Variants in RBFOX1 observed in about 807,000 individuals in gnomAD.
RBFOX1 encodes the protein RNA binding fox-1 homolog 1.
In RBFOX1, 8 loss-of-function variants were observed where a neutral mutation model predicts 57.7. The ratio of observed to expected loss-of-function variants is 0.14; its 90% CI spans 0.08 to 0.25. The LOEUF (loss-of-function observed/expected upper bound fraction) is 0.25, where lower values mean the gene tolerates loss of function less well. RBFOX1 is among the 10% of genes least tolerant of loss of function. The pLI is 1.00. For synonymous variants in RBFOX1, 326 were observed against 222.4 expected (o/e 1.47, Z -4.15); for missense variants, 611 against 548.5 (o/e 1.11, Z -1.14).
At chr16:6,040,255 C>T (rs2095421668) in intron 1 of RBFOX1, among the ~76,000 whole-genome samples, 2 of 152,182 alleles carry the variant, frequency 1.3e-5, no homozygotes, top group African/African-American at 4.8e-5. Context: ...GGTTCAGTAA[C>T]ATTGAATACA....
chr16:7,228,773 C>T (rs1402814713), intron 4 of RBFOX1, among the ~76,000 whole-genome samples: 2 of 152,170 alleles, frequency 1.3e-5, no homozygotes, highest in Non-Finnish European at 2.9e-5. Flanking sequence ...GACCAAGTTT[C>T]CCATTATAAT....
intron 1 of RBFOX1, among the ~76,000 whole-genome samples, chr16:5,456,912 A>G (rs2068647448): frequency 6.6e-6 from 1 of 152,182 alleles, no homozygotes; most frequent in Admixed American, 6.5e-5. Context: ...TGTCTCTAGC[A>G]CATTCCACCT....
chr16:6,725,223 T>C (rs539754636), intron 3 of RBFOX1, among the ~76,000 whole-genome samples: 111 of 152,004 alleles, frequency 7.3e-4, no homozygotes, highest in African/African-American at 2.5e-3. Context: ...GCTAATTTTT[T>C]TGTATTTTTA....
chr16:5,701,362 G>A (rs895539146), intron 3 of RBFOX1, among the ~76,000 whole-genome samples: 2 of 152,220 alleles, frequency 1.3e-5, no homozygotes, highest in African/African-American at 4.8e-5. Context: ...AGAGTTAAGG[G>A]ACTTCTTGGG....
At chr16:5,601,344 G>T (rs2047357993), downstream of RBFOX1, 1 of 152,348 alleles carries the variant, frequency 6.6e-6, no homozygotes, top group African/African-American at 2.4e-5. Context: ...GTGTCCTCAG[G>T]ACATGGTGGA....
At chr16:5,820,461 A>G (rs1876531099) in intron 3 of RBFOX1, among the ~76,000 whole-genome samples, 1 of 152,174 alleles carries the variant, frequency 6.6e-6, no homozygotes. Flanking sequence ...ATTGATCAGC[A>G]TTAGCAGCAC....
intron 4 of RBFOX1, among the ~76,000 whole-genome samples, chr16:7,216,681 CACAA>C (rs1567746774): frequency 2.6e-5 from 4 of 151,716 alleles, no homozygotes; most frequent in East Asian, 2.0e-4. Flanking sequence ...TTAAAAAACC[CACAA>C]ACAAACCGAG....
intron 2 of RBFOX1, among the ~76,000 whole-genome samples, chr16:6,609,455 C>T (rs2098005497): frequency 6.6e-6 from 1 of 152,090 alleles, no homozygotes; most frequent in Non-Finnish European, 1.5e-5. Context: ...TCAATCCTCC[C>T]ACCTCAGCCT....
intron 4 of RBFOX1, among the ~76,000 whole-genome samples, chr16:5,884,810 G>A (rs955991473): frequency 2.6e-5 from 4 of 152,108 alleles, no homozygotes; most frequent in East Asian, 3.9e-4. Flanking sequence ...TCCAGAAGGT[G>A]CTCTCAAGAG....
At chr16:6,884,696 C>T (rs560249443) in intron 3 of RBFOX1, among the ~76,000 whole-genome samples, 11 of 152,092 alleles carry the variant, frequency 7.2e-5, no homozygotes, top group Non-Finnish European at 1.2e-4. Context: ...CCAGGGGTTC[C>T]AGACCAGCTT....
chr16:7,262,313 A>T (rs1372915410), intron 4 of RBFOX1, among the ~76,000 whole-genome samples: 31 of 146,326 alleles, frequency 2.1e-4, no homozygotes, highest in Non-Finnish European at 2.6e-4. Context: ...CCATTTCTCT[A>T]TTTTTTTTTT....
chr16:6,094,488 C>G (rs1202672614), intron 1 of RBFOX1, among the ~76,000 whole-genome samples: 1 of 152,100 alleles, frequency 6.6e-6, no homozygotes, highest in Non-Finnish European at 1.5e-5. Flanking sequence ...CTGACATGCT[C>G]ACTAGACATT....
At chr16:6,187,119 C>T (rs1057355879) in intron 1 of RBFOX1, among the ~76,000 whole-genome samples, 4 of 152,072 alleles carry the variant, frequency 2.6e-5, no homozygotes, top group African/African-American at 7.2e-5. Context: ...ACACTTTTAT[C>T]GTAGATGTAT....
intron 2 of RBFOX1, among the ~76,000 whole-genome samples, chr16:6,514,276 C>A (rs1160106462): frequency 6.6e-6 from 1 of 152,114 alleles, no homozygotes; most frequent in Non-Finnish European, 1.5e-5. Flanking sequence ...CAATCCTTTC[C>A]ACTTCATCTT....
chr16:6,673,026 G>C (rs1359907722), intron 3 of RBFOX1, among the ~76,000 whole-genome samples: 2 of 152,278 alleles, frequency 1.3e-5, no homozygotes, highest in African/African-American at 4.8e-5. Context: ...AACCACAACA[G>C]GGGAAAGACA....
chr16:5,571,102 C>G (rs1320400535), intron 2 of RBFOX1, among the ~76,000 whole-genome samples: 2 of 151,980 alleles, frequency 1.3e-5, no homozygotes, highest in Admixed American at 6.6e-5. Context: ...CCCCTGATCA[C>G]TCCCCCAGCC....
chr16:5,921,837 G>T (rs2058828957), intron 4 of RBFOX1, among the ~76,000 whole-genome samples: 1 of 151,922 alleles, frequency 6.6e-6, no homozygotes, highest in Non-Finnish European at 1.5e-5. Context: ...AGAGCAAGAG[G>T]GGGAGGAGCC....
intron 1 of RBFOX1, among the ~76,000 whole-genome samples, chr16:5,251,171 G>A (rs2062441376): frequency 6.6e-6 from 1 of 152,178 alleles, no homozygotes; most frequent in African/African-American, 2.4e-5. Flanking sequence ...CCGAGCTCTG[G>A]CAGACTGCCT....
At chr16:6,210,345 C>CAAA (rs770814967) in intron 1 of RBFOX1, among the ~76,000 whole-genome samples, 20 of 25,974 alleles carry the variant, frequency 7.7e-4, no homozygotes, top group South Asian at 1.5e-3. Flanking sequence ...AACAAAAAAA[C>CAAA]AAAAAAAAAA....
Sources: allele counts gnomAD v4.1 joint callset (sites outside exome capture counted in the v4.1 genomes callset), GRCh38; gene constraint gnomAD v4.1.1; transcripts MANE v1.5; gene names NCBI Gene and HGNC (gene_info 2026-07-23, HGNC 2026-07-21).